STIM1: variants seen among roughly 807,000 people sequenced by gnomAD.
STIM1 encodes stromal interaction molecule 1.
In STIM1, 25 loss-of-function variants were observed where a neutral mutation model predicts 74.7. The ratio of observed to expected loss-of-function variants is 0.33; its 90% confidence interval spans 0.24 to 0.47. The LOEUF (loss-of-function observed/expected upper bound fraction) is 0.47, where lower values mean the gene tolerates loss of function less well. Ranked by LOEUF, STIM1 falls within the 20% of genes least tolerant of loss-of-function variation. STIM1 has a pLI of 1.00. For missense variants in STIM1, 728 were observed against 920.8 expected, an observed-to-expected ratio of 0.79 and a Z score of 2.71; for synonymous variants, 328 against 348.8, an observed-to-expected ratio of 0.94 and a Z score of 0.66.
intron 3 of STIM1, 131 bp downstream of exon 3, chr11:4,024,118 A>G (rs2093980078): frequency 1.4e-6 from 1 of 733,486 alleles, no homozygotes; most frequent in Non-Finnish European, 2.4e-6. Flanking sequence ...TATTCTACAT[A>G]TAGTCACTAA....
chr11:4,012,873 G>T (rs984486680), intron 2 of STIM1, among the ~76,000 whole-genome samples: 2 of 152,092 alleles, frequency 1.3e-5, no homozygotes, highest in African/African-American at 4.8e-5. Flanking sequence ...GTCATAAATA[G>T]CTCTTATTAT....
intron 3 of STIM1, among the ~76,000 whole-genome samples, chr11:4,037,300 C>G (rs956646280): frequency 2.6e-5 from 4 of 152,194 alleles, no homozygotes; most frequent in Admixed American, 6.5e-5. Flanking sequence ...ATCTGCCTTC[C>G]TCAACCTCAC....
intron 3 of STIM1, among the ~76,000 whole-genome samples, chr11:4,035,852 T>TTTTTTTTTTTTTTTTTTC (rs1491451891): frequency 2.3e-5 from 1 of 42,618 alleles, no homozygotes; most frequent in Non-Finnish European, 7.7e-5. Flanking sequence ...GTTGTTTTGC[T>TTTTTTTTTTTTTTTTTTC]TTTTTTTTTT....
chr11:4,088,716 A>G, intron 12 of STIM1: 1 of 1,535,812 alleles, frequency 6.5e-7, no homozygotes, highest in Non-Finnish European at 8.7e-7. Flanking sequence ...TCATCTCTAA[A>G]GGCAAACAGG....
At chr11:4,057,317 C>T (rs2094297372) in intron 4 of STIM1, among the ~76,000 whole-genome samples, 1 of 152,126 alleles carries the variant, frequency 6.6e-6, no homozygotes, top group African/African-American at 2.4e-5. Flanking sequence ...TTTTTTGTGG[C>T]TAGAATTACA....
intron 2 of STIM1, among the ~76,000 whole-genome samples, chr11:4,021,720 A>G (rs563383200): frequency 9.2e-5 from 14 of 152,268 alleles, no homozygotes; most frequent in Admixed American, 8.5e-4. Context: ...TCTGTCAAGA[A>G]TGTCACTGAA....
At chr11:4,069,985 A>G (rs1374641451) in intron 5 of STIM1, 41 bp from the exon 6 acceptor site, 4 of 1,608,454 alleles carry the variant, frequency 2.5e-6, no homozygotes, top group Non-Finnish European at 3.4e-6. Context: ...CTAAGTGTGC[A>G]GTGGGCACCC....
rs754346149 is a variant in STIM1, at chr11:4,024,006, A to G, written c.385+19A>G. The G allele has an allele frequency of 6.2e-7, 1 of 1,600,580 alleles. No individual in the cohort carries two copies. The highest frequency in any genetic ancestry group is 1.7e-5 in the Admixed American group (1 of 59,994). On this transcript the variant is annotated intron_variant, in intron 3 of 12. Transcript: ENST00000526596. ...TCAGAAGGTAATAGGCAGCCTGGTC[A>G]TCAATCCTAGTTGTGGGAAGGTTTA...
At chr11:3,876,057 G>A (rs1273471234) in intron 1 of STIM1, among the ~76,000 whole-genome samples, 1 of 152,172 alleles carries the variant, frequency 6.6e-6, no homozygotes, top group African/African-American at 2.4e-5. Context: ...TCTACTCAGT[G>A]GTGAAACTAA....
intron 7 of STIM1, among the ~76,000 whole-genome samples, chr11:4,081,593 G>C (rs1481081608): frequency 6.6e-6 from 1 of 152,196 alleles, no homozygotes; most frequent in Non-Finnish European, 1.5e-5. Context: ...TCTGACATGA[G>C]CTCTTCACAT....
chr11:3,913,530 A>G (rs999758433), intron 1 of STIM1, among the ~76,000 whole-genome samples: 30 of 152,132 alleles, frequency 2.0e-4, no homozygotes, highest in Non-Finnish European at 7.3e-5. Context: ...TCTTAGTCAC[A>G]CTATGCACCG....
At chr11:4,023,818 CT>C (rs2136018465) in intron 2 of STIM1, 54 bp from the exon 3 acceptor site, 1 of 1,417,420 alleles carries the variant, frequency 7.1e-7, no homozygotes, top group East Asian at 2.3e-5. Flanking sequence ...GTGTGGAGAT[CT>C]TGACGGGCTG....
intron 3 of STIM1, among the ~76,000 whole-genome samples, chr11:4,026,372 A>T (rs957825132): frequency 2.6e-5 from 4 of 152,244 alleles, no homozygotes; most frequent in Non-Finnish European, 5.9e-5. Context: ...CTGAAAAACT[A>T]CTTTAACATT....
At chr11:4,085,038 A>T (rs999571355) in intron 11 of STIM1, among the ~76,000 whole-genome samples, 1 of 151,392 alleles carries the variant, frequency 6.6e-6, no homozygotes, top group Non-Finnish European at 1.5e-5. Flanking sequence ...CCCTTCTTCC[A>T]TCTGGGCTGG....
chr11:3,998,007 C>A (rs1366621977), intron 2 of STIM1, among the ~76,000 whole-genome samples: 1 of 152,194 alleles, frequency 6.6e-6, no homozygotes, highest in Non-Finnish European at 1.5e-5. Context: ...CTCTATAGGT[C>A]TTCCTTACAT....
At chr11:3,869,658 G>T (rs1458343900) in intron 1 of STIM1, among the ~76,000 whole-genome samples, 2 of 152,144 alleles carry the variant, frequency 1.3e-5, no homozygotes, top group South Asian at 4.1e-4. Flanking sequence ...GATCAAGGAG[G>T]GCCTAAATTG....
At chr11:3,944,197 C>T (rs1467024347) in intron 1 of STIM1, among the ~76,000 whole-genome samples, 2 of 152,212 alleles carry the variant, frequency 1.3e-5, no homozygotes, top group Non-Finnish European at 2.9e-5. Context: ...TCTATGCAGA[C>T]GTGAGATAAT....
Position 4,079,955 on chromosome 11 carries a change from C to T in STIM1, c.970-2229C>T, listed in dbSNP as rs769958551. Among the ~76,000 whole-genome samples, 4 of 152,032 alleles carry T rather than the reference C, an allele frequency of 2.6e-5. No individual in the cohort carries two copies. The South Asian group carries it at 6.2e-4, about 24-fold the overall frequency. ...GTTCCTGGCCAGGCATGGTAGCTCA[C>T]GCCTATAATCCTTACACTTTGGGAG... On this transcript the variant is annotated intron_variant, in intron 7 of 12. Coordinates refer to ENST00000526596, the MANE Select transcript of STIM1 (RefSeq NM_001382567.1).
chr11:3,941,696 A>AGAGAGAGAGAGAGAGAGAGTGTGT (rs1214690521), intron 1 of STIM1, among the ~76,000 whole-genome samples: 1 of 141,804 alleles, frequency 7.1e-6, no homozygotes, highest in African/African-American at 2.7e-5. Flanking sequence ...AGAGAGAGAG[A>AGAGAGAGAGAGAGAGAGAGTGTGT]GTGTGTGTGT....
Sources: gnomAD v4.1 joint callset for allele counts (sites outside exome capture counted in the v4.1 genomes callset) on GRCh38, gnomAD v4.1.1 for gene constraint, MANE v1.5 for transcripts, NCBI Gene and HGNC (gene_info 2026-07-23, HGNC 2026-07-21) for gene names.